The following CPNE4 variants were observed in gnomAD, a reference collection of about 807,000 sequenced individuals.
CPNE4 encodes the protein copine-4.
In CPNE4, 25 loss-of-function variants were observed where a neutral mutation model predicts 67.9. That is an observed-to-expected ratio of 0.37 (90% CI 0.27 to 0.51). The LOEUF (loss-of-function observed/expected upper bound fraction) is 0.51. CPNE4 is among the 20% of genes least tolerant of loss of function. CPNE4 has a pLI of 0.93. For missense variants in CPNE4, 464 were observed against 690.8 expected, an observed-to-expected ratio of 0.67 and a Z score of 3.68; for synonymous variants, 242 against 244.9, an observed-to-expected ratio of 0.99 and a Z score of 0.11.
At position 131,824,374 on chromosome 3, in the gene CPNE4, C is replaced by G. The variant is rs143403182; in HGVS notation, c.180+80890G>C. 3.9e-3 allele frequency among the ~76,000 whole-genome samples: 597 copies of G among 152,242 alleles called. 7 individuals carry two copies. Among genetic ancestry groups the G allele is most frequent in the African/African-American group, 0.013 (557 of 41,540 alleles). On this transcript the variant is annotated intron_variant, in intron 2 of 15. Coordinates refer to ENST00000429747, the MANE Select transcript of CPNE4 (RefSeq NM_130808.3). ...AAAGAACTATCCATATCTAACTATC[C>G]ATGCCCAGCTTACCAGGGGACTCGA...
intron 5 of CPNE4, among the ~76,000 whole-genome samples, chr3:131,694,671 G>A (rs1459427174): frequency 6.6e-6 from 1 of 152,100 alleles, no homozygotes; most frequent in Non-Finnish European, 1.5e-5. Flanking sequence ...ATACTCTAAA[G>A]GAAGTGTGAC....
At chr3:131,727,981 T>A (rs1466574705) in intron 2 of CPNE4, among the ~76,000 whole-genome samples, 1 of 152,218 alleles carries the variant, frequency 6.6e-6, no homozygotes, top group Non-Finnish European at 1.5e-5. Flanking sequence ...TTGTTTACAG[T>A]TTTTGGCTAT....
Position 131,991,052 on chromosome 3 carries a change from G to GA in CPNE4, c.-2+43514dup, listed in dbSNP as rs1429237641. On this transcript the variant is annotated intron_variant, in intron 1 of 15. Coordinates refer to ENST00000429747, the MANE Select transcript of CPNE4 (RefSeq NM_130808.3). The stretch of plus-strand genomic sequence containing the variant: ...TTCCTGAGGCCTCCTTCCCCATGCC[G>GA]AACTGTGAGTCAATTAAACCTCTTT... Among the ~76,000 whole-genome samples the GA allele has an allele frequency of 2.2e-5, 3 of 136,188 alleles. 1 individual carries two copies. Among genetic ancestry groups the GA allele is most frequent in the Non-Finnish European group, 5.0e-5 (3 of 60,072 alleles). 89.3% of individuals were successfully genotyped at this position (136,188 alleles called of 152,430 possible).
At chr3:131,686,983 T>C (rs149577222) in intron 5 of CPNE4, among the ~76,000 whole-genome samples, 1 of 152,210 alleles carries the variant, frequency 6.6e-6, no homozygotes, top group Non-Finnish European at 1.5e-5. Context: ...TTTTTTAAAC[T>C]AGGCTTCCCA....
At chr3:131,619,773 T>C (rs1455562155) in intron 7 of CPNE4, among the ~76,000 whole-genome samples, 5 of 152,146 alleles carry the variant, frequency 3.3e-5, no homozygotes, top group Non-Finnish European at 7.4e-5. Context: ...TTAAGTGAGG[T>C]GCCTAGGAAT....
At chr3:131,974,209 C>T (rs2072582409) in intron 1 of CPNE4, among the ~76,000 whole-genome samples, 1 of 152,158 alleles carries the variant, frequency 6.6e-6, no homozygotes, top group Admixed American at 6.5e-5. Context: ...TTTTTTCTCT[C>T]CCTGGAAGAG....
At chr3:131,965,551 C>T (rs766883282) in intron 1 of CPNE4, among the ~76,000 whole-genome samples, 2 of 151,912 alleles carry the variant, frequency 1.3e-5, no homozygotes, top group Non-Finnish European at 2.9e-5. Context: ...AAATGGAAAA[C>T]AAAAAACATC....
intron 7 of CPNE4, among the ~76,000 whole-genome samples, chr3:131,665,365 T>A (rs1290613705): frequency 6.6e-6 from 1 of 152,026 alleles, no homozygotes; most frequent in Non-Finnish European, 1.5e-5. Flanking sequence ...TCAAGTAGTA[T>A]GATTATATAT....
intron 2 of CPNE4, among the ~76,000 whole-genome samples, chr3:131,839,333 T>A (rs1365873319): frequency 2.0e-5 from 3 of 151,882 alleles, no homozygotes; most frequent in Non-Finnish European, 4.4e-5. Flanking sequence ...ATAAAGATAA[T>A]ATTGATGGAG....
chr3:131,718,304 A>T (rs2081789112), intron 3 of CPNE4, among the ~76,000 whole-genome samples: 1 of 152,096 alleles, frequency 6.6e-6, no homozygotes, highest in South Asian at 2.1e-4. Context: ...TTTCTAATAT[A>T]CACATCCAAT....
chr3:131,878,319 C>A (rs1373386591), intron 2 of CPNE4, among the ~76,000 whole-genome samples: 1 of 152,114 alleles, frequency 6.6e-6, no homozygotes, highest in Non-Finnish European at 1.5e-5. Flanking sequence ...ACATGCAATG[C>A]CATGAATCTC....
chr3:131,998,432 C>T (rs558250042), intron 1 of CPNE4, among the ~76,000 whole-genome samples: 83 of 152,246 alleles, frequency 5.5e-4, no homozygotes, highest in African/African-American at 1.9e-3. Context: ...TCTGTTCACA[C>T]GAGCTTAAAA....
intron 2 of CPNE4, among the ~76,000 whole-genome samples, chr3:131,808,568 A>T (rs2084409099): frequency 6.6e-6 from 1 of 152,212 alleles, no homozygotes. Context: ...GGTCATCAAA[A>T]TGTAGCAACA....
At chr3:131,595,166 A>G (rs939446276) in intron 7 of CPNE4, among the ~76,000 whole-genome samples, 9 of 152,242 alleles carry the variant, frequency 5.9e-5, no homozygotes, top group African/African-American at 2.2e-4. Flanking sequence ...AGGTTCTTCA[A>G]AAAATTTAAA....
intron 2 of CPNE4, among the ~76,000 whole-genome samples, chr3:131,882,723 A>ATTTTTTTTTTT (rs534737633): frequency 7.3e-6 from 1 of 136,162 alleles, no homozygotes; most frequent in Non-Finnish European, 1.6e-5. Context: ...GTTCTGCTCT[A>ATTTTTTTTTTT]TTTTTTTTTT....
chr3:131,962,708 G>A (rs547835690), intron 1 of CPNE4, among the ~76,000 whole-genome samples: 215 of 148,720 alleles, frequency 1.4e-3, no homozygotes, highest in Non-Finnish European at 1.7e-3. Flanking sequence ...GTGGAGAAAT[G>A]CATCTGTGGA....
At chr3:131,689,031 G>A (rs2080963281) in intron 5 of CPNE4, among the ~76,000 whole-genome samples, 2 of 152,040 alleles carry the variant, frequency 1.3e-5, no homozygotes, top group Admixed American at 1.3e-4. Flanking sequence ...TGTCAGGAGG[G>A]CATACTAAAA....
intron 2 of CPNE4, among the ~76,000 whole-genome samples, chr3:131,724,664 G>A (rs1217343039): frequency 1.3e-5 from 2 of 152,146 alleles, no homozygotes; most frequent in African/African-American, 2.4e-5. Flanking sequence ...AGCTTTTGCT[G>A]GGATTTGGTA....
intron 7 of CPNE4, among the ~76,000 whole-genome samples, chr3:131,604,396 A>C (rs1939384852): frequency 6.6e-6 from 1 of 152,162 alleles, no homozygotes. Context: ...GTGATGGTTA[A>C]TACTGAGTGT....
Sources: allele counts gnomAD v4.1 joint callset (sites outside exome capture counted in the v4.1 genomes callset), GRCh38; gene constraint gnomAD v4.1.1; transcripts MANE v1.5; gene names NCBI Gene and HGNC (gene_info 2026-07-23, HGNC 2026-07-21).